WNT3A: variants seen among roughly 807,000 people sequenced by gnomAD.
WNT3A encodes Wnt family member 3A.
WNT3A carries 17 observed loss-of-function variants against 37.0 expected under a neutral mutation model. The observed-to-expected ratio is 0.46, with a 90% CI of 0.31 to 0.69. The LOEUF (loss-of-function observed/expected upper bound fraction) is 0.69. Among genes scored for constraint, WNT3A ranks in the 30% least tolerant of loss-of-function variants. The probability of loss-of-function intolerance (pLI) is 0.05; values close to 1 mark genes in which losing one functional copy is unlikely to be tolerated. For missense variants in WNT3A, 411 were observed against 510.2 expected (o/e 0.81, Z 1.87); for synonymous variants, 187 against 211.0 (o/e 0.89, Z 0.99).
intron 2 of WNT3A, among the ~76,000 whole-genome samples, chr1:228,043,909 G>A (rs2102775891): frequency 6.6e-6 from 1 of 152,288 alleles, no homozygotes; most frequent in East Asian, 1.9e-4. Flanking sequence ...CGCTGTGCCT[G>A]CCACTTGGAC....
chr1:228,035,035 A>C (rs2031101231), intron 2 of WNT3A, among the ~76,000 whole-genome samples: 1 of 152,154 alleles, frequency 6.6e-6, no homozygotes, highest in African/African-American at 2.4e-5. Flanking sequence ...GGGAAAGCAC[A>C]GAGATGCACT....
In WNT3A at chr1:228,037,919, T is replaced by C. The variant is rs1361967554; in HGVS notation, c.314-12737T>C. ...GGACGGCCTGGCGCGCGGCGCATAC[T>C]TCCAGGTTGCTATGACTGGCCTGCG... On this transcript the variant is annotated intron_variant, in intron 2 of 3. Coordinates refer to ENST00000284523, the MANE Select transcript of WNT3A (RefSeq NM_033131.4). This position sits in a 1 kb window ranked among gnomAD's most constrained non-coding sequence, Gnocchi z 4.1. 6.6e-6 allele frequency among the ~76,000 whole-genome samples: 1 copy of C among 152,198 alleles called. No individual in the cohort carries two copies. Among genetic ancestry groups the C allele is most frequent in the African/African-American group, 2.4e-5 (1 of 41,468 alleles).
rs759461721 is a variant in WNT3A, at chr1:228,060,296, G to C, written c.*831G>C. On this transcript the variant is annotated 3_prime_UTR_variant, in exon 4 of 4. Coordinates refer to ENST00000284523, the MANE Select transcript of WNT3A (RefSeq NM_033131.4). Reference sequence around the variant, plus strand: ...TCCACCCCTGCGTCGAGCTGGGAAGGTTCCATGAAGCGAGTCGGGTCCCCA... The same window carrying C: ...TCCACCCCTGCGTCGAGCTGGGAAGCTTCCATGAAGCGAGTCGGGTCCCCA... The C allele has an allele frequency of 1.5e-6, 2 of 1,351,212 alleles. No individual in the cohort carries two copies. The highest frequency in any genetic ancestry group is 1.9e-5 in the Admixed American group (1 of 52,518). The allele number at this position is 1,351,212 out of a possible 1,614,324, so 83.7% of individuals were successfully genotyped here.
At chr1:228,021,398 G>A (rs578252895) in intron 1 of WNT3A, among the ~76,000 whole-genome samples, 2 of 152,328 alleles carry the variant, frequency 1.3e-5, no homozygotes, top group South Asian at 4.1e-4. Context: ...AGGTTGCCAC[G>A]GTGCTGACCT....
At chr1:228,017,569 C>T (rs536157858) in intron 1 of WNT3A, among the ~76,000 whole-genome samples, 10 of 152,102 alleles carry the variant, frequency 6.6e-5, no homozygotes, top group East Asian at 1.9e-4. Context: ...AAAAGTTAAC[C>T]GGGCATCATG....
chr1:228,014,298 G>A (rs1018476158), intron 1 of WNT3A, among the ~76,000 whole-genome samples: 1 of 152,188 alleles, frequency 6.6e-6, no homozygotes. Context: ...GAGAGAAAGA[G>A]CAAACAAACA....
intron 2 of WNT3A, among the ~76,000 whole-genome samples, chr1:228,045,665 T>A (rs2031387247): frequency 6.6e-6 from 1 of 152,116 alleles, no homozygotes; most frequent in South Asian, 2.1e-4. Context: ...ATCAGTTGTG[T>A]TAGGGAAGTA....
At position 228,039,969 on chromosome 1, in the gene WNT3A, TGTCCCAGGAGCCCAGGA is replaced by T. The variant is rs1317908097; in HGVS notation, c.314-10678_314-10662del. On this transcript the variant is annotated intron_variant, in intron 2 of 3. Coordinates refer to ENST00000284523, the MANE Select transcript of WNT3A (RefSeq NM_033131.4). The surrounding 1 kb of genome is among the most constrained non-coding windows in gnomAD (Gnocchi z 4.1). ...GGAGTCCCCTCTGGACCAACAGGCA[TGTCCCAGGAGCCCAGGA>T]GTCCCAGGCTGTCCCTCTCCTCTCG... is the stretch of plus-strand genomic sequence containing the variant. Among the ~76,000 whole-genome samples the T allele has an allele frequency of 6.6e-6, 1 of 152,178 alleles. No homozygotes were observed. The highest frequency in any genetic ancestry group is 1.5e-5 in the Non-Finnish European group (1 of 68,018).
In WNT3A at chr1:228,031,840, C is replaced by A. The variant is rs1396467727; in HGVS notation, c.313+8932C>A. On this transcript the variant is annotated intron_variant, in intron 2 of 3. Coordinates refer to ENST00000284523, the MANE Select transcript of WNT3A (RefSeq NM_033131.4). This position sits in a 1 kb window ranked among gnomAD's most constrained non-coding sequence, Gnocchi z 4.8. The stretch of plus-strand genomic sequence containing the variant: ...CATATACACTGCAAAAGGCCAAGAG[C>A]ACCAGACTGGGCCCTGTGCCATGTG... Among the ~76,000 whole-genome samples the A allele has an allele frequency of 6.6e-6, 1 of 152,118 alleles. No individual in the cohort carries two copies. The highest frequency in any genetic ancestry group is 6.5e-5 in the Admixed American group (1 of 15,268).
chr1:228,021,977 C>T (rs192556744), intron 1 of WNT3A, among the ~76,000 whole-genome samples: 6 of 152,284 alleles, frequency 3.9e-5, no homozygotes, highest in East Asian at 3.9e-4. Flanking sequence ...CAGATCTGGA[C>T]GACTTGAATT....
chr1:228,024,300 T>G (rs58218913), intron 2 of WNT3A, among the ~76,000 whole-genome samples: 2,640 of 152,330 alleles, frequency 0.017, 87 homozygotes, highest in African/African-American at 0.059. Context: ...GTTTGAGGGT[T>G]CCAGATTCAT....
chr1:228,012,674 T>C (rs745606301), intron 1 of WNT3A, among the ~76,000 whole-genome samples: 20 of 152,142 alleles, frequency 1.3e-4, no homozygotes, highest in Non-Finnish European at 2.5e-4. Flanking sequence ...TTCATGTCTC[T>C]GAAGGCTATT....
chr1:228,054,247 T>C (rs978099477), intron 3 of WNT3A, among the ~76,000 whole-genome samples: 6 of 152,318 alleles, frequency 3.9e-5, no homozygotes, highest in Non-Finnish European at 7.4e-5. Flanking sequence ...CCCATACACC[T>C]GGAAAAAGCA....
At position 228,030,962 on chromosome 1, in the gene WNT3A, G is replaced by A. The variant is rs145408911; in HGVS notation, c.313+8054G>A. 7.1e-3 allele frequency among the ~76,000 whole-genome samples: 1,086 copies of A among 152,320 alleles called. 5 individuals carry two copies. The highest frequency in any genetic ancestry group is 9.6e-3 in the Non-Finnish European group (654 of 68,032). On this transcript the variant is annotated intron_variant, in intron 2 of 3. Coordinates refer to ENST00000284523, the MANE Select transcript of WNT3A (RefSeq NM_033131.4). Reference sequence around the variant, plus strand: ...GGAGGGGAGGTGCCTGGCCCTGGGGGGCCTGGCATGTGCACTGACCAGGAG... The same window carrying A: ...GGAGGGGAGGTGCCTGGCCCTGGGGAGCCTGGCATGTGCACTGACCAGGAG...
In WNT3A at chr1:228,060,241, A is replaced by C. The variant is rs74143635; in HGVS notation, c.*776A>C. 4,358 of 1,350,756 alleles carry C rather than the reference A, an allele frequency of 3.2e-3. 104 individuals are homozygous for C. In the African/African-American group the frequency reaches 0.049, roughly 15 times the overall value. 83.7% of individuals were successfully genotyped at this position (1,350,756 alleles called of 1,614,324 possible). On this transcript the variant is annotated 3_prime_UTR_variant, in exon 4 of 4. Transcript: ENST00000284523. ...GAGCAGGAAATTCAGCCCACCAGCC[A>C]CCTCATCCCCAACCCCCTGTAAGGT...
intron 3 of WNT3A, among the ~76,000 whole-genome samples, chr1:228,058,592 T>TG (rs1308576387): frequency 6.6e-6 from 1 of 152,252 alleles, no homozygotes. Context: ...TATACACCTC[T>TG]GGGCAGCGTG....
At chr1:228,013,379 C>G (rs533079619) in intron 1 of WNT3A, among the ~76,000 whole-genome samples, 18 of 152,212 alleles carry the variant, frequency 1.2e-4, no homozygotes, top group Non-Finnish European at 2.5e-4. Context: ...CAGGTGACAC[C>G]CTGGAGGTGT....
chr1:228,019,663 TGTG>T (rs1387113450), intron 1 of WNT3A, among the ~76,000 whole-genome samples: 1 of 152,218 alleles, frequency 6.6e-6, no homozygotes, highest in Non-Finnish European at 1.5e-5. Context: ...ATCAAAGCCT[TGTG>T]TGTCCACAGC....
chr1:228,024,011 T>C (rs1193228962), intron 2 of WNT3A, among the ~76,000 whole-genome samples: 10 of 152,248 alleles, frequency 6.6e-5, no homozygotes. Flanking sequence ...CTGAATAATA[T>C]TCCATTGCAT....
Sources: allele counts gnomAD v4.1 joint callset (sites outside exome capture counted in the v4.1 genomes callset), GRCh38; gene constraint gnomAD v4.1.1; non-coding constraint Gnocchi (gnomAD v3.1); transcripts MANE v1.5; gene names NCBI Gene and HGNC (gene_info 2026-07-23, HGNC 2026-07-21).